Variants in COL5A1 observed in about 807,000 individuals in gnomAD.
The protein encoded by COL5A1 is collagen alpha-1(V) chain.
COL5A1 carries 16 observed loss-of-function variants against 263.7 expected under a neutral mutation model. The ratio of observed to expected loss-of-function variants is 0.06; its 90% CI spans 0.04 to 0.09. The LOEUF is 0.09. Among genes scored for constraint, COL5A1 ranks in the 10% least tolerant of loss-of-function variants. The pLI is 1.00. For missense variants in COL5A1, 2,036 were observed against 2,540.5 expected, an observed-to-expected ratio of 0.80 and a Z score of 4.27; for synonymous variants, 1,012 against 1,004.5, an observed-to-expected ratio of 1.01 and a Z score of -0.14.
At chr9:134,806,581 C>T (rs557480541) in intron 42 of COL5A1, among the ~76,000 whole-genome samples, 10 of 152,284 alleles carry the variant, frequency 6.6e-5, no homozygotes, top group East Asian at 1.9e-4. Context: ...CCTGTCCACG[C>T]GTGCATGCTG....
At chr9:134,797,792 T>C (rs1350949967) in intron 36 of COL5A1, among the ~76,000 whole-genome samples, 1 of 152,098 alleles carries the variant, frequency 6.6e-6, no homozygotes, top group Non-Finnish European at 1.5e-5. Context: ...CGCCCGGCCA[T>C]CTCTTTCATT....
chr9:134,795,033 A>G, intron 32 of COL5A1, 49 bp from the exon 33 acceptor site: 1 of 1,597,016 alleles, frequency 6.3e-7, no homozygotes, highest in Non-Finnish European at 8.6e-7. Flanking sequence ...CCACCTGAGC[A>G]GGGCCGGGCA....
chr9:134,734,632 T>C (rs1041239426), intron 9 of COL5A1, among the ~76,000 whole-genome samples: 3 of 152,172 alleles, frequency 2.0e-5, no homozygotes, highest in African/African-American at 7.2e-5. Context: ...TCAGTCCCGC[T>C]CCCTCTCATT....
rs1385947392 is a variant in COL5A1, at chr9:134,767,065, T to G, written c.2187+12T>G. On this transcript the variant is annotated intron_variant, in intron 23 of 65. Transcript: ENST00000371817. ...ATCCAGGCGCCCAGGTAAGTGAGCCTGAGAGAGGCAGCTCGCAGGGATCCG... is the reference window on the plus strand; with the variant it reads ...ATCCAGGCGCCCAGGTAAGTGAGCCGGAGAGAGGCAGCTCGCAGGGATCCG... 2 of 1,612,738 alleles carry G rather than the reference T, an allele frequency of 1.2e-6. No individual in the cohort carries two copies. Among genetic ancestry groups the G allele is most frequent in the Non-Finnish European group, 1.7e-6 (2 of 1,179,700 alleles).
rs768322848 is a variant in COL5A1 at position 134,785,090 on chromosome 9, G to A, written c.2586G>A (p.Gly862=). ...ACCCCGGTCCTCTGGGACCCCCTGGGGAGAAGGTTTGTGATGTGGGACGTT... is the reference window on the plus strand; with the variant it reads ...ACCCCGGTCCTCTGGGACCCCCTGGAGAGAAGGTTTGTGATGTGGGACGTT... The part of the protein sequence containing the change: ...NGDPGPLGPP[G]EKGKLGVPGL... Residue 862 remains glycine (G), a synonymous_variant, in exon 30 of 66, where the codon GGG becomes GGA. Transcript: ENST00000371817. 2.5e-6 allele frequency: 4 copies of A among 1,612,720 alleles called. No individual in the cohort carries two copies. The Admixed American group carries it at 6.7e-5, about 27-fold the overall frequency.
chr9:134,815,654 A>T, intron 51 of COL5A1, 25 bp downstream of exon 51: 4 of 1,611,892 alleles, frequency 2.5e-6, no homozygotes, highest in Non-Finnish European at 3.4e-6. Flanking sequence ...GGGCAAAGCC[A>T]CCGGATCCCC....
intron 31 of COL5A1, among the ~76,000 whole-genome samples, chr9:134,788,444 G>T (rs1191135342): frequency 3.4e-5 from 5 of 148,570 alleles, no homozygotes; most frequent in Non-Finnish European, 7.4e-5. Flanking sequence ...AGGTGGGTAG[G>T]TAGGCAGGTA....
At position 134,716,992 on chromosome 9, in the gene COL5A1, G is replaced by A. The variant is rs72772599; in HGVS notation, c.655-10274G>A. 3.5e-3 allele frequency among the ~76,000 whole-genome samples: 518 copies of A among 149,772 alleles called. 2 individuals are homozygous for A. Among genetic ancestry groups the A allele is most frequent in the Non-Finnish European group, 5.1e-3 (346 of 67,318 alleles). On this transcript the variant is annotated intron_variant, in intron 4 of 65. Coordinates refer to ENST00000371817, the MANE Select transcript of COL5A1 (RefSeq NM_000093.5). The surrounding 1 kb of genome is among the most constrained non-coding windows in gnomAD (Gnocchi z 4.5). ...TAATAGTGTGAAACTCGTTCTCACAGGTGCTGTGAAAACCATGGAAAAAAT... is the reference window on the plus strand; with the variant it reads ...TAATAGTGTGAAACTCGTTCTCACAAGTGCTGTGAAAACCATGGAAAAAAT...
In COL5A1 at chr9:134,727,397, T is replaced by C. The variant is rs1834703203; in HGVS notation, c.786T>C (p.Tyr262=). The C allele has an allele frequency of 6.2e-7, 1 of 1,614,128 alleles. No homozygotes were observed. The highest frequency in any genetic ancestry group is 2.2e-5 in the East Asian group (1 of 44,880). Residue 262 remains tyrosine, a splice_region_variant and synonymous_variant, in exon 5 of 66, where the codon TAT becomes TAC. Transcript: ENST00000371817. ...CGCAGGACCCCAATCCAGATGAATA[T>C]GTGAGTTAACTCTGGCTGGGATCTT... The part of the protein sequence containing the change: ...PQSQDPNPDE[Y]YTEGDGEGET...
chr9:134,823,465 C>G lies in COL5A1; in HGVS notation c.4694C>G (p.Pro1565Arg). The change falls in exon 61 of 66, where the codon CCC becomes CGC. Residue 1565 changes from proline (P) to arginine (R), a missense_variant. Pro to Arg is a moderately radical substitution (Grantham distance 103, BLOSUM62 -2). This residue lies in a region of COL5A1 where 358 missense variants were observed against 384.6 expected (regional missense o/e 0.93). Transcript: ENST00000371817. ...GCAGGCCACCCAGGACCCCCAGGCC[C>G]CCCGGTAAGTAGCCCTTGAAGCCCA... ...GEAGHPGPPG[P>R]PGPPGEVIQP... 1 of 1,614,192 alleles carries G rather than the reference C, an allele frequency of 6.2e-7. No individual in the cohort carries two copies. Among genetic ancestry groups the G allele is most frequent in the Non-Finnish European group, 8.5e-7 (1 of 1,180,004 alleles).
At chr9:134,740,446 G>C (rs933969698) in intron 11 of COL5A1, among the ~76,000 whole-genome samples, 1 of 152,226 alleles carries the variant, frequency 6.6e-6, no homozygotes, top group Non-Finnish European at 1.5e-5. Flanking sequence ...GTATGCAAAG[G>C]AGAGTGCATT....
rs1287651492 is a variant in COL5A1 at position 134,829,858 on chromosome 9, C to T, written c.5068-118C>T. The T allele has an allele frequency of 6.9e-6, 8 of 1,156,106 alleles. No homozygotes were observed. In the South Asian group the frequency reaches 8.0e-5, roughly 11 times the overall value. The allele number at this position is 1,156,106 out of a possible 1,614,324, so 71.6% of individuals were successfully genotyped here. On this transcript the variant is annotated intron_variant, in intron 63 of 65. Coordinates refer to ENST00000371817, the MANE Select transcript of COL5A1 (RefSeq NM_000093.5). ...CTCGGTGGGTCCTCCCTGCAGCCCC[C>T]CCGGCGTGAGGATGCAGGCGCGGGG...
At chr9:134,650,460 T>C (rs1378054471) in intron 1 of COL5A1, among the ~76,000 whole-genome samples, 1 of 152,208 alleles carries the variant, frequency 6.6e-6, no homozygotes. Context: ...ACCCCTAACA[T>C]GAGACGGACC....
In COL5A1 at chr9:134,750,625, C is replaced by A; in HGVS notation, c.1569+9C>A. ...CCATGCTCATGCTGCCCGTGAGTAC[C>A]CTTATCAGTCGGAGGTGGGGAGGCA... On this transcript the variant is annotated intron_variant, in intron 12 of 65. Transcript: ENST00000371817. 1.9e-6 allele frequency: 3 copies of A among 1,613,192 alleles called. No individual in the cohort carries two copies. The highest frequency in any genetic ancestry group is 1.7e-6 in the Non-Finnish European group (2 of 1,179,828).
intron 11 of COL5A1, among the ~76,000 whole-genome samples, chr9:134,739,987 C>T (rs778533183): frequency 1.3e-5 from 2 of 152,078 alleles, no homozygotes; most frequent in East Asian, 1.9e-4. Context: ...GAGGGCAGTA[C>T]GCATCAGATT....
In COL5A1 at chr9:134,795,119, G is replaced by C. The variant is rs1259906587; in HGVS notation, c.2738G>C (p.Gly913Ala). The change falls in exon 33 of 66, where the codon GGC becomes GCC. Residue 913 changes from glycine (G) to alanine (A), a missense_variant. By Grantham distance (60) the Gly-to-Ala change is moderately conservative. Around this residue, in one of 3 missense-constraint regions of COL5A1, gnomAD observed 1,078 missense variants for 1,521.4 expected, o/e 0.71. Transcript: ENST00000371817. ...PGKPGPRGQR[G>A]PTGPRGERGP... ...AAGCCAGGACCGCGGGGGCAGCGAG[G>C]CCCAACGGTAACCACCCTTTCAGCT... 1.2e-6 allele frequency: 2 copies of C among 1,614,078 alleles called. No homozygotes were observed. Among genetic ancestry groups the C allele is most frequent in the Admixed American group, 3.3e-5 (2 of 60,014 alleles).
intron 9 of COL5A1, 62 bp downstream of exon 9, chr9:134,732,189 G>T: frequency 6.4e-7 from 1 of 1,566,870 alleles, no homozygotes; most frequent in Non-Finnish European, 8.8e-7. Flanking sequence ...GTCACAGCGG[G>T]GTGTGTAGGG....
At chr9:134,832,316 GA>G (rs991054187) in intron 64 of COL5A1, among the ~76,000 whole-genome samples, 1 of 152,180 alleles carries the variant, frequency 6.6e-6, no homozygotes, top group African/African-American at 2.4e-5. Context: ...TGAGGCAGGA[GA>G]ATCTCTTGAA....
chr9:134,813,908 C>A, intron 48 of COL5A1, 75 bp from the exon 49 acceptor site: 1 of 1,511,542 alleles, frequency 6.6e-7, no homozygotes, highest in African/African-American at 1.4e-5. Flanking sequence ...CAGGATTTGG[C>A]AAATGCTTGA....
Sources: gnomAD v4.1 joint callset for allele counts (sites outside exome capture counted in the v4.1 genomes callset) on GRCh38, gnomAD v4.1.1 for gene constraint, gnomAD v4.1.1 regional missense constraint, Gnocchi (gnomAD v3.1) non-coding constraint, MANE v1.5 for transcripts, NCBI Gene and HGNC (gene_info 2026-07-23, HGNC 2026-07-21) for gene names.